NAF1: variants seen among roughly 807,000 people sequenced by gnomAD.
The protein encoded by NAF1 is nuclear assembly factor 1 ribonucleoprotein.
A neutral mutation model predicts 40.6 loss-of-function variants in NAF1; 11 were observed. The observed-to-expected ratio is 0.27, with a 90% confidence interval of 0.17 to 0.45. The LOEUF (loss-of-function observed/expected upper bound fraction) is 0.45. Among genes scored for constraint, NAF1 ranks in the 20% least tolerant of loss-of-function variants. The pLI is 1.00. For missense variants in NAF1, 607 were observed against 611.1 expected, an observed-to-expected ratio of 0.99 and a Z score of 0.07; for synonymous variants, 260 against 228.5, an observed-to-expected ratio of 1.14 and a Z score of -1.24.
intron 2 of NAF1, among the ~76,000 whole-genome samples, chr4:163,115,690 T>C (rs1415225443): frequency 6.6e-6 from 1 of 152,188 alleles, no homozygotes; most frequent in Non-Finnish European, 1.5e-5. Context: ...GGCTGACACA[T>C]CCTGTGGGTT....
chr4:163,105,988 A>G (rs1315769667), downstream of NAF1, among the ~76,000 whole-genome samples: 1 of 152,230 alleles, frequency 6.6e-6, no homozygotes, highest in Non-Finnish European at 1.5e-5. Flanking sequence ...TCTAAGTTGC[A>G]TATTTCATTT....
intron 4 of NAF1, 35 bp from the exon 5 acceptor site, chr4:163,140,418 T>C (rs752422777): frequency 6.5e-7 from 1 of 1,534,588 alleles, no homozygotes; most frequent in Non-Finnish European, 8.8e-7. Context: ...TTTTAACATG[T>C]AAAATAACTA....
At chr4:163,161,706 G>A (rs189601231) in intron 2 of NAF1, among the ~76,000 whole-genome samples, 10 of 152,156 alleles carry the variant, frequency 6.6e-5, no homozygotes, top group East Asian at 1.9e-4. Flanking sequence ...AACATAAGTC[G>A]TACATGATAT....
chr4:163,135,857 C>A (rs2110908623), intron 6 of NAF1: 1 of 152,270 alleles, frequency 6.6e-6, no homozygotes, highest in South Asian at 2.1e-4. Flanking sequence ...GTTTATGAAT[C>A]TCTAAACACG....
At chr4:163,155,325 G>C (rs1731936152) in intron 2 of NAF1, among the ~76,000 whole-genome samples, 1 of 152,024 alleles carries the variant, frequency 6.6e-6, no homozygotes, top group Non-Finnish European at 1.5e-5. Flanking sequence ...TCATAACGAG[G>C]ACCCAGTCTT....
rs146292504 is a variant in NAF1 at position 163,130,307 on chromosome 4, A to G, written c.1034-959T>C. Among the ~76,000 whole-genome samples the G allele has an allele frequency of 3.7e-4, 56 of 152,362 alleles. 1 individual carries two copies. The East Asian group carries it at 0.011, about 29-fold the overall frequency. On this transcript the variant is annotated intron_variant, in intron 7 of 7. Coordinates refer to ENST00000274054, the MANE Select transcript of NAF1 (RefSeq NM_138386.3). ...ATGTTAGAATTATGAAAGGTATTAA[A>G]GCAGTCATAAAAATGCTTCAACAAG...
At chr4:163,118,574 G>A (rs1359672223) in intron 2 of NAF1, among the ~76,000 whole-genome samples, 3 of 152,088 alleles carry the variant, frequency 2.0e-5, no homozygotes, top group Non-Finnish European at 2.9e-5. Context: ...CCAACATGGC[G>A]AAACCCCGTC....
intron 6 of NAF1, chr4:163,135,843 A>T (rs529142053): frequency 6.6e-6 from 1 of 152,340 alleles, no homozygotes; most frequent in South Asian, 2.1e-4. Flanking sequence ...ATATGATTTG[A>T]GATGTTTATG....
chr4:163,151,332 T>A (rs1395710725), intron 2 of NAF1, among the ~76,000 whole-genome samples: 4 of 151,832 alleles, frequency 2.6e-5, no homozygotes, highest in Non-Finnish European at 4.4e-5. Flanking sequence ...CCAAAATCAC[T>A]GAAAATTCAC....
chr4:163,145,698 A>T, intron 4 of NAF1, 84 bp downstream of exon 4: 4 of 871,928 alleles, frequency 4.6e-6, no homozygotes, highest in Non-Finnish European at 7.2e-6. Context: ...AAATAAATAA[A>T]CTCTTCTGAG....
In NAF1 at chr4:163,133,159, T is replaced by C; in HGVS notation, c.1028A>G (p.Glu343Gly). 6.2e-7 allele frequency: 1 copy of C among 1,611,746 alleles called. No homozygotes were observed. The highest frequency in any genetic ancestry group is 8.5e-7 in the Non-Finnish European group (1 of 1,178,012). Residue 343 changes from glutamate (E) to glycine (G), a missense_variant, in exon 7 of 8, where the codon GAG becomes GGG. Glu to Gly is a moderately conservative substitution (Grantham distance 98, BLOSUM62 -2). Coordinates refer to ENST00000274054, the MANE Select transcript of NAF1 (RefSeq NM_138386.3). Reference protein sequence around the residue: ...GRKKLKSEFNEPGEDFTEVHQ... With the variant: ...GRKKLKSEFNGPGEDFTEVHQ... ...TATATATTGTATTCACTCACCAGGC[T>C]CATTAAATTCAGATTTGAGTTTTTT...
Position 163,166,607 on chromosome 4 carries a change from G to C in NAF1, c.121C>G (p.Gln41Glu). The change falls in exon 1 of 8, where the codon CAG becomes GAG. Residue 41 changes from glutamine to glutamate, a missense_variant. Around this residue, in one of 3 missense-constraint regions of NAF1, gnomAD observed 407 missense variants for 365.5 expected, o/e 1.11. Coordinates refer to ENST00000274054, the MANE Select transcript of NAF1 (RefSeq NM_138386.3). Reference sequence around the variant, plus strand: ...CCCTCAAACGACTGTAGCGGCGGCTGTGTCCCTGGCACAGGGGCAGAGCCC... The same window carrying C: ...CCCTCAAACGACTGTAGCGGCGGCTCTGTCCCTGGCACAGGGGCAGAGCCC... ...SPGSAPVPGT[Q>E]PPLQSFEGSP... 1.2e-6 allele frequency: 2 copies of C among 1,610,764 alleles called. No individual in the cohort carries two copies. The highest frequency in any genetic ancestry group is 2.2e-5 in the East Asian group (1 of 44,796).
At chr4:163,115,199 A>ATTTTTTTTTTTTTTTTTTTTTTTTT (rs201172406) in intron 2 of NAF1, among the ~76,000 whole-genome samples, 2 of 103,708 alleles carry the variant, frequency 1.9e-5, no homozygotes, top group African/African-American at 3.9e-5. Flanking sequence ...TAGGACAATA[A>ATTTTTTTTTTTTTTTTTTTTTTTTT]TTTTTTTATT....
chr4:163,117,984 G>A (rs1730402388), intron 2 of NAF1, among the ~76,000 whole-genome samples: 3 of 151,926 alleles, frequency 2.0e-5, no homozygotes, highest in Admixed American at 2.0e-4. Context: ...AGGTGATAGG[G>A]TCCTCTCAAA....
downstream of NAF1, among the ~76,000 whole-genome samples, chr4:163,124,412 A>C (rs1265833802): frequency 7.1e-6 from 1 of 140,412 alleles, no homozygotes; most frequent in Non-Finnish European, 1.6e-5. Context: ...TAAGGCACTA[A>C]TCCATACATA....
intron 2 of NAF1, among the ~76,000 whole-genome samples, chr4:163,154,503 T>C (rs900467954): frequency 6.6e-6 from 1 of 152,224 alleles, no homozygotes; most frequent in Admixed American, 6.5e-5. Flanking sequence ...TATATTAATT[T>C]TGAAAAAGGC....
At chr4:163,115,873 T>C (rs557720379) in intron 2 of NAF1, among the ~76,000 whole-genome samples, 2 of 152,342 alleles carry the variant, frequency 1.3e-5, no homozygotes, top group South Asian at 4.1e-4. Context: ...TTTTGCATAA[T>C]TCTTCCCTAT....
At chr4:163,110,511 G>A (rs184352487) in intron 2 of NAF1, among the ~76,000 whole-genome samples, 7 of 152,200 alleles carry the variant, frequency 4.6e-5, no homozygotes, top group East Asian at 3.9e-4. Flanking sequence ...TCAGGCATCC[G>A]CTGGTCTTGG....
At chr4:163,110,300 G>A (rs1394306716) in intron 2 of NAF1, 2 of 700,032 alleles carry the variant, frequency 2.9e-6, no homozygotes, top group Admixed American at 2.0e-5. Context: ...TCTGAAAATA[G>A]GTGAGGTAAA....
Sources: allele counts gnomAD v4.1 joint callset (sites outside exome capture counted in the v4.1 genomes callset), GRCh38; gene constraint gnomAD v4.1.1; regional missense constraint gnomAD v4.1.1; transcripts MANE v1.5; gene names NCBI Gene and HGNC (gene_info 2026-07-23, HGNC 2026-07-21).